The following APLP2 variants were observed in gnomAD, a reference collection of about 807,000 sequenced individuals.
APLP2 encodes the protein amyloid beta precursor like protein 2.
Under a neutral mutation model 89.9 loss-of-function variants are expected in APLP2, and 53 were observed. The ratio of observed to expected loss-of-function variants is 0.59; its 90% CI spans 0.47 to 0.74. APLP2 has a LOEUF of 0.74. APLP2 is among the 30% of genes least tolerant of loss of function. APLP2 has a pLI of 0.00. For synonymous variants in APLP2, 372 were observed against 348.6 expected (o/e 1.07, Z -0.75); for missense variants, 973 against 975.9 (o/e 1.00, Z 0.04).
chr11:130,076,963 A>C (rs937769864), intron 1 of APLP2, among the ~76,000 whole-genome samples: 13 of 152,244 alleles, frequency 8.5e-5, no homozygotes, highest in African/African-American at 3.1e-4. Context: ...CAGGAGGAGG[A>C]GGGTGCAGCC....
rs1951759353 is a variant in APLP2, at chr11:130,137,401, T to C, written c.1837+1686T>C. 4.8e-6 allele frequency: 5 copies of C among 1,035,782 alleles called. No homozygotes were observed. The Admixed American group carries it at 8.7e-5, about 18-fold the overall frequency. The allele number at this position is 1,035,782 out of a possible 1,614,324, so 64.2% of individuals were successfully genotyped here. The stretch of plus-strand genomic sequence containing the variant: ...CCATCACCTGGCTTTCCCCACCTCA[T>C]TCCTTCTGACACGGCTGTGAGTGGG... On this transcript the variant is annotated intron_variant, in intron 13 of 16. Transcript: ENST00000338167.
intron 3 of APLP2, among the ~76,000 whole-genome samples, chr11:130,119,411 T>G (rs1949571692): frequency 6.6e-6 from 1 of 152,204 alleles, no homozygotes; most frequent in Non-Finnish European, 1.5e-5. Flanking sequence ...TTCTAACTTT[T>G]TATTGTGGCA....
chr11:130,089,558 A>G (rs1210207091), intron 1 of APLP2, among the ~76,000 whole-genome samples: 1 of 152,152 alleles, frequency 6.6e-6, no homozygotes, highest in Non-Finnish European at 1.5e-5. Context: ...CAGAGTATAT[A>G]TGCTCCCTAA....
intron 13 of APLP2, among the ~76,000 whole-genome samples, chr11:130,139,968 T>C (rs1952142424): frequency 6.6e-6 from 1 of 152,188 alleles, no homozygotes. Flanking sequence ...GCTAACCTAC[T>C]ATGTCCAAGG....
chr11:130,120,624 C>A, intron 3 of APLP2, 82 bp from the exon 4 acceptor site: 1 of 965,326 alleles, frequency 1.0e-6, no homozygotes, highest in Non-Finnish European at 1.7e-6. Context: ...GCTGTGTAGA[C>A]TATCATCATA....
At chr11:130,122,841 C>T (rs1221828807) in intron 6 of APLP2, among the ~76,000 whole-genome samples, 1 of 152,182 alleles carries the variant, frequency 6.6e-6, no homozygotes, top group African/African-American at 2.4e-5. Flanking sequence ...TCTTCGATAC[C>T]ACTCAAGTTC....
In APLP2 at chr11:130,141,880, G is replaced by A. The variant is rs765481346; in HGVS notation, c.1999-39G>A. The A allele has an allele frequency of 1.3e-6, 2 of 1,573,824 alleles. No individual in the cohort carries two copies. Among genetic ancestry groups the A allele is most frequent in the East Asian group, 2.3e-5 (1 of 44,058 alleles). On this transcript the variant is annotated intron_variant, in intron 15 of 16. Transcript: ENST00000338167. This position sits in a 1 kb window ranked among gnomAD's most constrained non-coding sequence, Gnocchi z 4.2. ...TTACTTGCCTCACGGCTGCCAGATG[G>A]TCACTGGGACTTTTTTCCACGTCTG...
At chr11:130,084,818 CAACAGAATAAATGAA>C (rs1362995247) in intron 1 of APLP2, among the ~76,000 whole-genome samples, 2 of 151,180 alleles carry the variant, frequency 1.3e-5, no homozygotes, top group African/African-American at 4.9e-5. Context: ...AAATAATTTG[CAACAGAATAAATGAA>C]AACAGAATAG....
chr11:130,124,236 G>C (rs1029284587), intron 7 of APLP2, among the ~76,000 whole-genome samples: 1 of 152,180 alleles, frequency 6.6e-6, no homozygotes. Context: ...GCCTCCTCTC[G>C]AAAGGAGTGA....
intron 3 of APLP2, among the ~76,000 whole-genome samples, chr11:130,120,169 T>G (rs966693336): frequency 1.3e-5 from 2 of 152,222 alleles, no homozygotes; most frequent in Non-Finnish European, 2.9e-5. Flanking sequence ...TTAAATTGGT[T>G]ATCTGGCTGA....
intron 13 of APLP2, among the ~76,000 whole-genome samples, chr11:130,136,567 T>C (rs1477881664): frequency 6.6e-6 from 1 of 152,108 alleles, no homozygotes; most frequent in African/African-American, 2.4e-5. Context: ...TGACTGGATA[T>C]AGCACTGGAA....
intron 13 of APLP2, chr11:130,137,422 G>A: frequency 1.1e-6 from 1 of 894,360 alleles, no homozygotes; most frequent in Non-Finnish European, 1.9e-6. Context: ...ACGGCTGTGA[G>A]TGGGGTCAGA....
rs780729799 is a variant in APLP2 at position 130,122,345 on chromosome 11, G to C, written c.754G>C (p.Ala252Pro). The change falls in exon 6 of 17, where the codon GCA becomes CCA. Residue 252 changes from alanine (A) to proline (P), a missense_variant. By Grantham distance (27) the Ala-to-Pro change is conservative. Coordinates refer to ENST00000338167, the MANE Select transcript of APLP2 (RefSeq NM_001142276.2). ...AGCAGATCTGGAAGACTTCACAGAA[G>C]CAGCTGTGGATGAGGATGATGAGGA... ...TEADLEDFTEAAVDEDDEDEE... is the reference protein window; with the variant it reads ...TEADLEDFTEPAVDEDDEDEE... 1 of 1,614,122 alleles carries C rather than the reference G, an allele frequency of 6.2e-7. No homozygotes were observed.
intron 2 of APLP2, among the ~76,000 whole-genome samples, chr11:130,109,989 G>C (rs1461094658): frequency 1.3e-5 from 2 of 152,224 alleles, no homozygotes; most frequent in African/African-American, 4.8e-5. Context: ...GAAAATGATA[G>C]GAGATGTTAT....
chr11:130,116,403 T>C (rs1194637440), intron 3 of APLP2, among the ~76,000 whole-genome samples: 1 of 152,212 alleles, frequency 6.6e-6, no homozygotes, highest in Admixed American at 6.5e-5. Context: ...GACATTTAGG[T>C]TTGTTCTAGT....
chr11:130,104,975 C>T (rs543955813), intron 1 of APLP2, among the ~76,000 whole-genome samples: 2 of 152,168 alleles, frequency 1.3e-5, no homozygotes, highest in Non-Finnish European at 2.9e-5. Context: ...AAACATATGT[C>T]AGATGGTAAA....
At chr11:130,115,853 C>G (rs1265760216) in intron 3 of APLP2, among the ~76,000 whole-genome samples, 1 of 152,126 alleles carries the variant, frequency 6.6e-6, no homozygotes, top group Non-Finnish European at 1.5e-5. Flanking sequence ...TGTGTTTCCT[C>G]TTTCAGTCTA....
chr11:130,113,762 T>C (rs1948858919), intron 3 of APLP2, among the ~76,000 whole-genome samples: 1 of 152,216 alleles, frequency 6.6e-6, no homozygotes, highest in Non-Finnish European at 1.5e-5. Flanking sequence ...GATAGTCTTT[T>C]AGAGTTGCTA....
chr11:130,076,853 G>A (rs983401881), intron 1 of APLP2, among the ~76,000 whole-genome samples: 5 of 152,216 alleles, frequency 3.3e-5, no homozygotes, highest in Non-Finnish European at 7.3e-5. Flanking sequence ...CTGGATAGAA[G>A]TGTATCAGAT....
Sources: gnomAD v4.1 joint callset for allele counts (sites outside exome capture counted in the v4.1 genomes callset) on GRCh38, gnomAD v4.1.1 for gene constraint, Gnocchi (gnomAD v3.1) non-coding constraint, MANE v1.5 for transcripts, NCBI Gene and HGNC (gene_info 2026-07-23, HGNC 2026-07-21) for gene names.